The following OTOA variants were observed in gnomAD, a reference collection of about 807,000 sequenced individuals.
OTOA encodes cancer/testis antigen 108.
In OTOA, 70 loss-of-function variants were observed where a neutral mutation model predicts 110.8. The ratio of observed to expected loss-of-function variants is 0.63; its 90% CI spans 0.52 to 0.77. OTOA has a LOEUF of 0.77. Ranked by LOEUF, OTOA falls within the 30% of genes least tolerant of loss-of-function variation. The pLI is 0.00. For synonymous variants in OTOA, 373 were observed against 431.5 expected (o/e 0.86, Z 1.68); for missense variants, 917 against 1,075.8 (o/e 0.85, Z 2.06).
At chr16:21,722,837 A>C (rs1597843376) in intron 17 of OTOA, 68 bp from the exon 18 acceptor site, 1 of 1,392,344 alleles carries the variant, frequency 7.2e-7, no homozygotes, top group Non-Finnish European at 1.0e-6. Context: ...AGTACCTGGC[A>C]CATGGAAAGC....
chr16:21,717,217 G>A (rs553065291), intron 15 of OTOA, among the ~76,000 whole-genome samples, 170 bp downstream of exon 15: 1 of 152,140 alleles, frequency 6.6e-6, no homozygotes, highest in South Asian at 2.1e-4. Context: ...CAGGAGGATC[G>A]CTTGACGCCA....
Position 21,710,524 on chromosome 16 carries a change from AAATATTT to A in OTOA, c.1320+425_1320+431del, listed in dbSNP as rs762293917. 3.3e-3 allele frequency among the ~76,000 whole-genome samples: 508 copies of A among 152,312 alleles called. 3 individuals carry two copies. The highest frequency in any genetic ancestry group is 0.021 in the Middle Eastern group (6 of 292). On this transcript the variant is annotated intron_variant, in intron 13 of 28. Coordinates refer to ENST00000646100, the MANE Select transcript of OTOA (RefSeq NM_144672.4). ...TGACATATGAATTCTTGGGAGACAC[AAATATTT>A]AATCCATAACAATCAGTTATACACA...
At chr16:21,707,885 C>G (rs1898239784) in intron 12 of OTOA, among the ~76,000 whole-genome samples, 2 of 150,680 alleles carry the variant, frequency 1.3e-5, no homozygotes, top group East Asian at 3.9e-4. Flanking sequence ...ACCTCTGCCT[C>G]CCAGGTTCAA....
At chr16:21,697,252 G>T (rs1897962215) in intron 9 of OTOA, among the ~76,000 whole-genome samples, 1 of 152,086 alleles carries the variant, frequency 6.6e-6, no homozygotes, top group African/African-American at 2.4e-5. Context: ...GAGTAACAAG[G>T]TCTGAGGTGG....
At chr16:21,729,495 T>G (rs1175314392) in intron 20 of OTOA, 3 of 152,198 alleles carry the variant, frequency 2.0e-5, no homozygotes, top group African/African-American at 4.8e-5. Flanking sequence ...TATGTTGACA[T>G]TATCGTCATT....
intron 28 of OTOA, among the ~76,000 whole-genome samples, chr16:21,760,257 C>G (rs1367248707): frequency 6.6e-6 from 1 of 151,780 alleles, no homozygotes; most frequent in Admixed American, 6.6e-5. Context: ...TAACAAGCTC[C>G]CTAGTACATG....
intron 19 of OTOA, chr16:21,727,248 A>T (rs1280070235): frequency 6.3e-6 from 1 of 158,654 alleles, no homozygotes; most frequent in Non-Finnish European, 1.4e-5. Flanking sequence ...AACTCCTGAC[A>T]TCAGGTGATC....
At chr16:21,667,687 T>G (rs1286228231) in intron 1 of OTOA, among the ~76,000 whole-genome samples, 5 of 152,092 alleles carry the variant, frequency 3.3e-5, no homozygotes, top group Admixed American at 3.3e-4. Flanking sequence ...ATACATATTT[T>G]GAGCTTTGGA....
At chr16:21,668,185 T>C (rs1449205335) in intron 1 of OTOA, among the ~76,000 whole-genome samples, 1 of 152,170 alleles carries the variant, frequency 6.6e-6, no homozygotes, top group Admixed American at 6.5e-5. Flanking sequence ...CATAGCTCAC[T>C]GCAGCCTTGA....
chr16:21,678,977 C>T (rs1451627610), intron 3 of OTOA, 34 bp downstream of exon 3: 1 of 1,613,800 alleles, frequency 6.2e-7, no homozygotes, highest in Admixed American at 1.7e-5. Flanking sequence ...TCAGAGTCCC[C>T]TCTACTGGAA....
chr16:21,719,743 A>T (rs907632445), intron 17 of OTOA, among the ~76,000 whole-genome samples: 1 of 152,184 alleles, frequency 6.6e-6, no homozygotes, highest in Admixed American at 6.5e-5. Flanking sequence ...TAAGCCTTAA[A>T]ATATATTCAT....
chr16:21,685,475 C>T, intron 7 of OTOA, 114 bp downstream of exon 7: 2 of 1,419,298 alleles, frequency 1.4e-6, no homozygotes, highest in Non-Finnish European at 1.9e-6. Context: ...CTCTTCCTCT[C>T]TCCTTCTGCC....
At chr16:21,689,837 C>CT (rs1897792811) in intron 8 of OTOA, among the ~76,000 whole-genome samples, 1 of 152,052 alleles carries the variant, frequency 6.6e-6, no homozygotes, top group African/African-American at 2.4e-5. Flanking sequence ...AGGTGCATGC[C>CT]ACCACGCCTG....
chr16:21,726,569 C>CTGATCA lies in OTOA; in HGVS notation c.1928_1933dup (p.Ile644_Ser645insMetIle). The CTGATCA allele has an allele frequency of 6.2e-7, 1 of 1,614,100 alleles. No individual in the cohort carries two copies. Among genetic ancestry groups the CTGATCA allele is most frequent in the Non-Finnish European group, 8.5e-7 (1 of 1,180,012 alleles). On this transcript the variant is annotated inframe_insertion, in exon 19 of 29. Transcript: ENST00000646100. ...CCCAGCCTCCCAGTGTGTGCCCTTTCTGATCAGCCTGGGGAAGAGCTGGTT... is the reference window on the plus strand; with the variant it reads ...CCCAGCCTCCCAGTGTGTGCCCTTTCTGATCATGATCAGCCTGGGGAAGAGCTGGTT...
At chr16:21,696,409 T>C (rs1204613278) in intron 9 of OTOA, among the ~76,000 whole-genome samples, 5 of 152,074 alleles carry the variant, frequency 3.3e-5, no homozygotes, top group Non-Finnish European at 7.4e-5. Flanking sequence ...TTGTAGGTGG[T>C]GAGCAGGGCC....
At chr16:21,713,417 G>T (rs902476548) in intron 13 of OTOA, among the ~76,000 whole-genome samples, 2 of 152,200 alleles carry the variant, frequency 1.3e-5, no homozygotes, top group African/African-American at 2.4e-5. Flanking sequence ...GGCAGCTGCA[G>T]CTCCGAGGGC....
At position 21,684,407 on chromosome 16, in the gene OTOA, G is replaced by T. The variant is rs576511714; in HGVS notation, c.268-823G>T. Reference sequence around the variant, plus strand: ...TGGCTTCTGCTCCTTGCCCTGTAGGGGGCGCCACAGAGTATGTTCATTTCG... The same window carrying T: ...TGGCTTCTGCTCCTTGCCCTGTAGGTGGCGCCACAGAGTATGTTCATTTCG... On this transcript the variant is annotated intron_variant, in intron 6 of 28. Coordinates refer to ENST00000646100, the MANE Select transcript of OTOA (RefSeq NM_144672.4). 4.7e-6 allele frequency: 7 copies of T among 1,504,000 alleles called. No homozygotes were observed. In the South Asian group the frequency reaches 8.8e-5, roughly 19 times the overall value. 93.2% of individuals were successfully genotyped at this position (1,504,000 alleles called of 1,614,324 possible).
At chr16:21,732,704 A>G (rs1899155931) in intron 21 of OTOA, among the ~76,000 whole-genome samples, 1 of 152,050 alleles carries the variant, frequency 6.6e-6, no homozygotes, top group Non-Finnish European at 1.5e-5. Context: ...AAGAATATCT[A>G]TAGTAGGATA....
chr16:21,713,620 G>A (rs1442082802), intron 13 of OTOA, among the ~76,000 whole-genome samples: 4 of 152,164 alleles, frequency 2.6e-5, no homozygotes, highest in African/African-American at 4.8e-5. Context: ...GAGTGTGTAA[G>A]GGAACTGGAA....
Sources: gnomAD v4.1 joint callset for allele counts (sites outside exome capture counted in the v4.1 genomes callset) on GRCh38, gnomAD v4.1.1 for gene constraint, MANE v1.5 for transcripts, NCBI Gene and HGNC (gene_info 2026-07-23, HGNC 2026-07-21) for gene names.